Variants in TRMT61B observed in about 807,000 individuals in gnomAD.
The protein encoded by TRMT61B is tRNA (adenine(58)-N(1))-methyltransferase, mitochondrial.
In TRMT61B, 56 loss-of-function variants were observed where a neutral mutation model predicts 52.0. That is an observed-to-expected ratio of 1.08 (90% CI 0.87 to 1.35). The LOEUF (loss-of-function observed/expected upper bound fraction) is 1.35. Among genes scored for constraint, TRMT61B ranks in the 40% most tolerant of loss-of-function variants. The probability of loss-of-function intolerance (pLI) is 0.00; values close to 1 mark genes in which losing one functional copy is unlikely to be tolerated. For missense variants in TRMT61B, 650 were observed against 577.9 expected (o/e 1.12, Z -1.28); for synonymous variants, 206 against 220.0 (o/e 0.94, Z 0.56).
In TRMT61B at chr2:28,870,026, T is replaced by C. The variant is rs1471908036; in HGVS notation, c.252A>G (p.Ser84=). 6.2e-6 allele frequency: 10 copies of C among 1,613,776 alleles called. No individual in the cohort carries two copies. The highest frequency in any genetic ancestry group is 8.5e-6 in the Non-Finnish European group (10 of 1,179,998). ...ISDIGTGCLS[S]LENLRLPTLR... ...GCGTCGGCAGTCTGAGGTTTTCCAG[T>C]GACGAAAGACATCCAGTCCCAATGT... Residue 84 remains serine (S), a synonymous_variant, in exon 1 of 7, where the codon TCA becomes TCG. Coordinates refer to ENST00000306108, the MANE Select transcript of TRMT61B (RefSeq NM_017910.4).
At chr2:28,867,740 A>C (rs1275776089) in intron 1 of TRMT61B, among the ~76,000 whole-genome samples, 1 of 152,084 alleles carries the variant, frequency 6.6e-6, no homozygotes, top group Non-Finnish European at 1.5e-5. Flanking sequence ...AAAATTACGA[A>C]AGTCTTTTAG....
chr2:28,857,897 T>C (rs1364309820), intron 3 of TRMT61B, among the ~76,000 whole-genome samples: 1 of 152,242 alleles, frequency 6.6e-6, no homozygotes. Flanking sequence ...TAGGCGGTCA[T>C]TTCACATATT....
At chr2:28,859,447 A>T (rs1669503352) in intron 3 of TRMT61B, among the ~76,000 whole-genome samples, 1 of 152,166 alleles carries the variant, frequency 6.6e-6, no homozygotes. Context: ...CAGTACTCTT[A>T]CCAATGTACA....
chr2:28,867,858 C>A (rs1320954997), intron 1 of TRMT61B, among the ~76,000 whole-genome samples: 1 of 151,890 alleles, frequency 6.6e-6, no homozygotes, highest in Non-Finnish European at 1.5e-5. Context: ...TGAGACCAGT[C>A]TGGGCAAGTT....
intron 1 of TRMT61B, among the ~76,000 whole-genome samples, chr2:28,868,803 A>G (rs1394638727): frequency 3.3e-5 from 5 of 152,220 alleles, no homozygotes; most frequent in African/African-American, 4.8e-5. Flanking sequence ...ACTTGAGGCC[A>G]CGAGTTGAAG....
intron 3 of TRMT61B, among the ~76,000 whole-genome samples, chr2:28,857,659 T>C (rs1228478722): frequency 6.6e-6 from 1 of 152,192 alleles, no homozygotes; most frequent in Non-Finnish European, 1.5e-5. Flanking sequence ...AACCGAGGCA[T>C]GGAAAGATTA....
At chr2:28,862,865 TG>T (rs1669668935) in intron 2 of TRMT61B, among the ~76,000 whole-genome samples, 1 of 13,680 alleles carries the variant, frequency 7.3e-5, no homozygotes, top group Non-Finnish European at 1.5e-4. Context: ...TATTTGTATT[TG>T]TGTGTGTGTG....
rs762433529 is a variant in TRMT61B, at chr2:28,869,829, G to C, written c.449C>G (p.Pro150Arg). 4 of 1,614,076 alleles carry C rather than the reference G, an allele frequency of 2.5e-6. No individual in the cohort carries two copies. The South Asian group carries it at 4.4e-5, about 18-fold the overall frequency. Residue 150 changes from proline to arginine, a missense_variant, in exon 1 of 7, where the codon CCC (proline) becomes CGC (arginine). Physicochemically the swap from Pro to Arg is moderately radical, Grantham distance 103. Transcript: ENST00000306108. ...SPSCSTSRER[P>R]FQAGELILAE... ...TAAAATCAGTTCCCCAGCCTGAAAG[G>C]GTCTCTCTCTGGAAGTTGAACAAGA... is the stretch of plus-strand genomic sequence containing the variant.
At chr2:28,861,058 C>T (rs1669576791) in intron 3 of TRMT61B, 60 bp downstream of exon 3, 7 of 1,405,902 alleles carry the variant, frequency 5.0e-6, no homozygotes, top group Admixed American at 2.5e-5. Flanking sequence ...CAAAAGAAGC[C>T]TGACCCCTAT....
intron 6 of TRMT61B, 35 bp from the exon 7 acceptor site, chr2:28,850,277 A>G: frequency 1.9e-6 from 3 of 1,603,448 alleles, no homozygotes; most frequent in Non-Finnish European, 2.6e-6. Context: ...AAGTCATTAT[A>G]TTAATTAAAA....
intron 2 of TRMT61B, among the ~76,000 whole-genome samples, chr2:28,862,114 G>A (rs183806053): frequency 2.7e-4 from 40 of 149,962 alleles, no homozygotes; most frequent in Non-Finnish European, 4.3e-4. Flanking sequence ...ACTGAGGCAG[G>A]AGAAAGGCGT....
At chr2:28,850,723 T>A (rs1669055768) in intron 5 of TRMT61B, 1 of 310,772 alleles carries the variant, frequency 3.2e-6, no homozygotes, top group Non-Finnish European at 5.8e-6. Context: ...TCCAGCAGCA[T>A]CTTAGAAGTT....
rs745701277 is a variant in TRMT61B, at chr2:28,859,825, T to C, written c.993+1293A>G. On this transcript the variant is annotated intron_variant, in intron 3 of 6. Transcript: ENST00000306108. ...CTCGCAGGTATTTTTGACATTCCTA[T>C]GGATGACCTAAACAGAGCTCTTTCC... is the stretch of plus-strand genomic sequence containing the variant. Among the ~76,000 whole-genome samples the C allele has an allele frequency of 2.0e-5, 3 of 152,168 alleles. No homozygotes were observed. The South Asian group carries it at 6.2e-4, about 32-fold the overall frequency.
At chr2:28,853,063 G>GATTA (rs1669192325) in intron 3 of TRMT61B, among the ~76,000 whole-genome samples, 1 of 152,044 alleles carries the variant, frequency 6.6e-6, no homozygotes, top group Non-Finnish European at 1.5e-5. Context: ...GGCTATGTAT[G>GATTA]TATATATGAA....
intron 3 of TRMT61B, among the ~76,000 whole-genome samples, chr2:28,856,760 G>T (rs1160921374): frequency 6.6e-6 from 1 of 150,998 alleles, no homozygotes; most frequent in East Asian, 2.0e-4. Flanking sequence ...TCAGCCTCCC[G>T]AGTAGCTGGG....
intron 3 of TRMT61B, among the ~76,000 whole-genome samples, chr2:28,855,721 C>A (rs978315037): frequency 1.3e-5 from 2 of 152,086 alleles, no homozygotes; most frequent in African/African-American, 4.8e-5. Flanking sequence ...GTAATCCAAG[C>A]AGTTTGGGAG....
At chr2:28,856,244 T>C (rs1669335405) in intron 3 of TRMT61B, among the ~76,000 whole-genome samples, 1 of 152,246 alleles carries the variant, frequency 6.6e-6, no homozygotes. Context: ...AATTCTCTTT[T>C]GAGACTCTGG....
rs763818595 is a variant in TRMT61B, at chr2:28,861,185, TTGTC to T, written c.922_925del (p.Asp308MetfsTer16). On this transcript the variant is annotated frameshift_variant, in exon 3 of 7. Coordinates refer to ENST00000306108, the MANE Select transcript of TRMT61B (RefSeq NM_017910.4). LOFTEE classifies it high-confidence loss of function. ...AATGTCCTTATGAATAAAATCCACA[TTGTC>T]TGGCCACTCTTCTACATGACTTAAT... is the stretch of plus-strand genomic sequence containing the variant. The T allele has an allele frequency of 6.2e-7, 1 of 1,612,936 alleles. No individual in the cohort carries two copies. Among genetic ancestry groups the T allele is most frequent in the Non-Finnish European group, 8.5e-7 (1 of 1,179,790 alleles).
intron 3 of TRMT61B, among the ~76,000 whole-genome samples, chr2:28,858,830 G>A (rs1371612294): frequency 2.0e-5 from 3 of 147,992 alleles, no homozygotes; most frequent in Non-Finnish European, 4.5e-5. Context: ...GAAAAGCTCC[G>A]GATTTTTTCA....
Sources: gnomAD v4.1 joint callset for allele counts (sites outside exome capture counted in the v4.1 genomes callset) on GRCh38, gnomAD v4.1.1 for gene constraint, MANE v1.5 for transcripts, NCBI Gene and HGNC (gene_info 2026-07-23, HGNC 2026-07-21) for gene names.